Variants in THADA observed in about 807,000 individuals in gnomAD.
THADA encodes THADA armadillo repeat containing.
Under a neutral mutation model 219.8 loss-of-function variants are expected in THADA, and 213 were observed. The observed-to-expected ratio is 0.97, with a 90% CI of 0.87 to 1.09. THADA has a LOEUF of 1.09. Ranked by LOEUF, THADA falls within the 50% of genes least tolerant of loss-of-function variation. THADA has a pLI of 0.00. For missense variants in THADA, 2,956 were observed against 2,311.3 expected, an observed-to-expected ratio of 1.28 and a Z score of -5.72; for synonymous variants, 1,018 against 828.9, an observed-to-expected ratio of 1.23 and a Z score of -3.92.
chr2:43,481,755 C>T (rs1437127590), intron 26 of THADA, among the ~76,000 whole-genome samples: 1 of 152,190 alleles, frequency 6.6e-6, no homozygotes, highest in African/African-American at 2.4e-5. Context: ...ATGATAAGTG[C>T]TTTCAAATTC....
chr2:43,253,218 A>AGTCTCCTG (rs1480653032), intron 36 of THADA, among the ~76,000 whole-genome samples: 2 of 152,182 alleles, frequency 1.3e-5, no homozygotes, highest in Non-Finnish European at 2.9e-5. Flanking sequence ...GGAGAACCTG[A>AGTCTCCTG]AGACGCCTGG....
chr2:43,595,500 A>T (rs1050146697), intron 1 of THADA: 17 of 152,396 alleles, frequency 1.1e-4, no homozygotes, highest in Non-Finnish European at 2.2e-4. Context: ...TGAGGGCTAC[A>T]CAAAAGCAGA....
intron 28 of THADA, among the ~76,000 whole-genome samples, chr2:43,424,830 C>G (rs572363620): frequency 6.6e-6 from 1 of 152,268 alleles, no homozygotes; most frequent in Non-Finnish European, 1.5e-5. Context: ...CAAACCAGTC[C>G]TATAACCCCA....
chr2:43,306,035 G>A (rs904092638), intron 31 of THADA, among the ~76,000 whole-genome samples: 16 of 133,966 alleles, frequency 1.2e-4, no homozygotes, highest in Admixed American at 4.0e-4. Flanking sequence ...TTACCACGCC[G>A]GAGTGCAGTG....
At chr2:43,260,070 G>A (rs778469474) in intron 36 of THADA, among the ~76,000 whole-genome samples, 11 of 152,052 alleles carry the variant, frequency 7.2e-5, no homozygotes, top group Non-Finnish European at 1.2e-4. Context: ...TGCAGCCTAT[G>A]CCTCCCGGGT....
At chr2:43,513,904 A>ACC (rs1337361540) in intron 22 of THADA, among the ~76,000 whole-genome samples, 1 of 152,102 alleles carries the variant, frequency 6.6e-6, no homozygotes, top group African/African-American at 2.4e-5. Context: ...CTTCTATTTA[A>ACC]GAAGAGTTAA....
At chr2:43,334,327 G>C (rs538398525) in intron 30 of THADA, among the ~76,000 whole-genome samples, 1 of 152,196 alleles carries the variant, frequency 6.6e-6, no homozygotes, top group African/African-American at 2.4e-5. Context: ...GGGGTGTGAA[G>C]GGCACTTACA....
chr2:43,493,680 TAAACAA>T (rs1287883215), intron 25 of THADA, among the ~76,000 whole-genome samples: 2 of 152,176 alleles, frequency 1.3e-5, no homozygotes, highest in Admixed American at 1.3e-4. Context: ...GTGATATTTT[TAAACAA>T]AAACTGCCTA....
chr2:43,248,200 G>GAGAGAGAGAGAC (rs1669436101), intron 36 of THADA, among the ~76,000 whole-genome samples: 1 of 127,026 alleles, frequency 7.9e-6, no homozygotes, highest in Non-Finnish European at 1.7e-5. Context: ...GAGAGAGAGA[G>GAGAGAGAGAGAC]AGAGAGAGAG....
intron 26 of THADA, among the ~76,000 whole-genome samples, chr2:43,437,569 C>T (rs1030878852): frequency 6.6e-6 from 1 of 152,172 alleles, no homozygotes. Flanking sequence ...TTAGATTAAT[C>T]GAAGGAGCCA....
chr2:43,301,890 T>A (rs1676306579), intron 31 of THADA, among the ~76,000 whole-genome samples: 1 of 152,220 alleles, frequency 6.6e-6, no homozygotes, highest in African/African-American at 2.4e-5. Flanking sequence ...GTTTGTGTCC[T>A]GCCATAAAGA....
At chr2:43,412,231 C>T (rs1485950126) in intron 28 of THADA, among the ~76,000 whole-genome samples, 1 of 152,108 alleles carries the variant, frequency 6.6e-6, no homozygotes, top group Non-Finnish European at 1.5e-5. Flanking sequence ...TCATCTTACT[C>T]CCCGGCTTTC....
chr2:43,280,319 A>AT (rs779802358), intron 35 of THADA, among the ~76,000 whole-genome samples: 1 of 152,162 alleles, frequency 6.6e-6, no homozygotes, highest in Non-Finnish European at 1.5e-5. Flanking sequence ...ATCAATCAAG[A>AT]TTATGCTCTG....
intron 31 of THADA, among the ~76,000 whole-genome samples, chr2:43,298,407 G>C (rs1306876455): frequency 1.6e-5 from 2 of 123,660 alleles, no homozygotes; most frequent in African/African-American, 3.4e-5. Flanking sequence ...CAGCATGCTC[G>C]TTAAGAGTCA....
chr2:43,543,722 T>C (rs1412378101), intron 20 of THADA, among the ~76,000 whole-genome samples: 1 of 151,884 alleles, frequency 6.6e-6, no homozygotes, highest in East Asian at 1.9e-4. Context: ...GATGGGGTTG[T>C]TTTTTTCTTG....
intron 26 of THADA, among the ~76,000 whole-genome samples, chr2:43,436,074 G>C (rs1183658064): frequency 6.6e-6 from 1 of 152,140 alleles, no homozygotes; most frequent in East Asian, 1.9e-4. Context: ...TGAGTACACA[G>C]CTTGTTGAGT....
At chr2:43,296,227 T>A (rs1337490152) in intron 31 of THADA, among the ~76,000 whole-genome samples, 2 of 150,376 alleles carry the variant, frequency 1.3e-5, no homozygotes, top group Non-Finnish European at 3.0e-5. Context: ...ATACCGCTAC[T>A]CTTAACTCAG....
chr2:43,364,287 A>G (rs1669872369), intron 29 of THADA, among the ~76,000 whole-genome samples: 1 of 152,198 alleles, frequency 6.6e-6, no homozygotes. Context: ...AATATGACAG[A>G]CTTGAAGGGC....
rs182091755 is a variant in THADA, at chr2:43,326,582, T to C, written c.4344-6042A>G. Among the ~76,000 whole-genome samples, 27 of 152,318 alleles carry C rather than the reference T, an allele frequency of 1.8e-4. No homozygotes were observed. The East Asian group carries it at 4.0e-3, about 23-fold the overall frequency. On this transcript the variant is annotated intron_variant, in intron 30 of 37. Transcript: ENST00000405975. The stretch of plus-strand genomic sequence containing the variant: ...TAATCAAATATAAGGAGAGGCAGTG[T>C]CTGGTCCATGGACAGCTGTTACAAT...
Sources: gnomAD v4.1 joint callset for allele counts (sites outside exome capture counted in the v4.1 genomes callset) on GRCh38, gnomAD v4.1.1 for gene constraint, MANE v1.5 for transcripts, NCBI Gene and HGNC (gene_info 2026-07-23, HGNC 2026-07-21) for gene names.